The following FOXJ3 variants were observed in gnomAD, a reference collection of about 807,000 sequenced individuals.
The protein encoded by FOXJ3 is forkhead box J3, also known as forkhead box protein J3.
A neutral mutation model predicts 76.1 loss-of-function variants in FOXJ3; 22 were observed. The ratio of observed to expected loss-of-function variants is 0.29; its 90% CI spans 0.21 to 0.41. FOXJ3 has a LOEUF of 0.41. FOXJ3 is among the 10% of genes least tolerant of loss of function. The pLI is 1.00. For synonymous variants in FOXJ3, 269 were observed against 261.2 expected, an observed-to-expected ratio of 1.03 and a Z score of -0.29; for missense variants, 613 against 762.1, an observed-to-expected ratio of 0.80 and a Z score of 2.30.
intron 5 of FOXJ3, among the ~76,000 whole-genome samples, chr1:42,225,724 T>A (rs1647502266): frequency 6.6e-6 from 1 of 152,144 alleles, no homozygotes; most frequent in Non-Finnish European, 1.5e-5. Flanking sequence ...AAAGTGATGA[T>A]CAAAAAGCAG....
At chr1:42,221,506 A>C (rs188920964) in intron 5 of FOXJ3, among the ~76,000 whole-genome samples, 7 of 152,204 alleles carry the variant, frequency 4.6e-5, no homozygotes, top group African/African-American at 1.7e-4. Context: ...CTCAGGCTGG[A>C]GTATAGTGGC....
rs1354275116 is a variant in FOXJ3, at chr1:42,178,257, T to C, written c.*1453A>G. 1 of 152,362 alleles carries C rather than the reference T, an allele frequency of 6.6e-6. No individual in the cohort carries two copies. The highest frequency in any genetic ancestry group is 1.9e-4 in the East Asian group (1 of 5,184). The allele number at this position is 152,362 out of a possible 1,614,324, so 9.4% of individuals were successfully genotyped here. A position where few individuals can be genotyped will look rare whatever the true frequency, so the allele number is the denominator to read the frequency against. The stretch of plus-strand genomic sequence containing the variant: ...AAGCAAATAAAACTGTAAGTGGCTC[T>C]ATCCTCCTTTCAAGACAACCTAGAT... On this transcript the variant is annotated 3_prime_UTR_variant, in exon 13 of 13. Transcript: ENST00000361346.
intron 4 of FOXJ3, among the ~76,000 whole-genome samples, chr1:42,230,102 T>G (rs1647950150): frequency 6.6e-6 from 1 of 152,190 alleles, no homozygotes; most frequent in African/African-American, 2.4e-5. Flanking sequence ...GCCCATAGCC[T>G]ACCTATCCAC....
rs1205558377 is a variant in FOXJ3 at position 42,183,168 on chromosome 1, C to T, written c.1646-1144G>A. ...GCATGAGCCTGTAGTCCCAGCTACT[C>T]AGACTTGAACCTGGGAGACGGAGGT... is the stretch of plus-strand genomic sequence containing the variant. On this transcript the variant is annotated intron_variant, in intron 11 of 12. Transcript: ENST00000361346. Among the ~76,000 whole-genome samples, 11 of 150,282 alleles carry T rather than the reference C, an allele frequency of 7.3e-5. No individual in the cohort carries two copies. The East Asian group carries it at 2.2e-3, about 30-fold the overall frequency.
rs1359448809 is a variant in FOXJ3 at position 42,227,973 on chromosome 1, G to T, written c.445-7C>A. ...CTATTGCCCAGTAGGACCCCTAGAG[G>T]TAAAGAAATTATATTAACAGTATAT... On this transcript the variant is annotated splice_region_variant and splice_polypyrimidine_tract_variant and intron_variant, in intron 4 of 12. Transcript: ENST00000361346. The T allele has an allele frequency of 6.8e-7, 1 of 1,460,656 alleles. No individual in the cohort carries two copies. Among genetic ancestry groups the T allele is most frequent in the East Asian group, 2.3e-5 (1 of 43,268 alleles). 90.5% of individuals were successfully genotyped at this position (1,460,656 alleles called of 1,614,324 possible). A position where few individuals can be genotyped will look rare whatever the true frequency, so the allele number is the denominator to read the frequency against.
chr1:42,304,870 A>C (rs79881691), intron 2 of FOXJ3, among the ~76,000 whole-genome samples: 2 of 152,204 alleles, frequency 1.3e-5, no homozygotes, highest in Non-Finnish European at 2.9e-5. Flanking sequence ...AGCACAGGCA[A>C]CCAAAGCGAA....
chr1:42,229,099 A>G (rs932281696), intron 4 of FOXJ3, among the ~76,000 whole-genome samples: 5 of 152,264 alleles, frequency 3.3e-5, no homozygotes, highest in South Asian at 2.1e-4. Context: ...CACTACTTGT[A>G]ATACCTACCA....
At chr1:42,181,101 T>C (rs1208021193) in intron 12 of FOXJ3, among the ~76,000 whole-genome samples, 1 of 152,238 alleles carries the variant, frequency 6.6e-6, no homozygotes, top group Non-Finnish European at 1.5e-5. Flanking sequence ...ATTACCTTTA[T>C]GTCTTTTCCT....
rs772190814 is a variant in FOXJ3, at chr1:42,191,394, T to C, written c.1260A>G (p.Pro420=). ...LQSPHPQHPS[P]HQHIQHHPNH... The stretch of plus-strand genomic sequence containing the variant: ...TCGGATGGTGCTGTATGTGTTGATG[T>C]GGAGAGGGATGCTGGGGGTGAGGGG... Residue 420 remains proline (P), a synonymous_variant, in exon 9 of 13, where the codon CCA becomes CCG. Coordinates refer to ENST00000361346, the MANE Select transcript of FOXJ3 (RefSeq NM_014947.5). The C allele has an allele frequency of 6.2e-7, 1 of 1,606,872 alleles. No individual in the cohort carries two copies. Among genetic ancestry groups the C allele is most frequent in the Non-Finnish European group, 8.5e-7 (1 of 1,174,450 alleles).
At chr1:42,216,144 G>A (rs1647059887) in intron 5 of FOXJ3, among the ~76,000 whole-genome samples, 1 of 152,062 alleles carries the variant, frequency 6.6e-6, no homozygotes, top group Non-Finnish European at 1.5e-5. Context: ...CTTTAGGCAG[G>A]GGGAAATTAT....
At chr1:42,250,147 G>A (rs1461759545) in intron 4 of FOXJ3, among the ~76,000 whole-genome samples, 1 of 152,140 alleles carries the variant, frequency 6.6e-6, no homozygotes, top group Non-Finnish European at 1.5e-5. Context: ...AGTAAACAGA[G>A]ACTAGAGGAG....
At chr1:42,281,888 G>C (rs1027736804) in intron 2 of FOXJ3, among the ~76,000 whole-genome samples, 1 of 151,930 alleles carries the variant, frequency 6.6e-6, no homozygotes, top group Admixed American at 6.6e-5. Context: ...GTGAAACCCC[G>C]TCTCTACTAA....
At chr1:42,283,945 T>C (rs571852051) in intron 2 of FOXJ3, among the ~76,000 whole-genome samples, 24 of 152,190 alleles carry the variant, frequency 1.6e-4, no homozygotes, top group Non-Finnish European at 3.5e-4. Flanking sequence ...CAGAATTAAC[T>C]ATTGCTCTAG....
intron 2 of FOXJ3, among the ~76,000 whole-genome samples, chr1:42,308,773 C>T (rs923383015): frequency 1.3e-5 from 2 of 152,034 alleles, no homozygotes; most frequent in Non-Finnish European, 2.9e-5. Flanking sequence ...ACATAACTTA[C>T]GTTACCTCTT....
At chr1:42,262,307 G>T (rs1328922284) in intron 4 of FOXJ3, among the ~76,000 whole-genome samples, 1 of 152,138 alleles carries the variant, frequency 6.6e-6, no homozygotes, top group East Asian at 1.9e-4. Context: ...AATATGCCTG[G>T]GTTCTAATTC....
rs1388996263 is a variant in FOXJ3, at chr1:42,237,391, TAC to T, written c.445-9427_445-9426del. On this transcript the variant is annotated intron_variant, in intron 4 of 12. Coordinates refer to ENST00000361346, the MANE Select transcript of FOXJ3 (RefSeq NM_014947.5). ...CTCCATCTCAAAAAATATATATATATACATACATACATACATATATATATATA... is the reference window on the plus strand; with the variant it reads ...CTCCATCTCAAAAAATATATATATATATACATACATACATATATATATATA... 1.2e-4 allele frequency among the ~76,000 whole-genome samples: 8 copies of T among 69,124 alleles called. No individual in the cohort carries two copies. The East Asian group carries it at 2.3e-3, about 20-fold the overall frequency. 45.3% of individuals were successfully genotyped at this position (69,124 alleles called of 152,430 possible).
At chr1:42,246,686 C>T (rs1649579333) in intron 4 of FOXJ3, among the ~76,000 whole-genome samples, 1 of 151,070 alleles carries the variant, frequency 6.6e-6, no homozygotes, top group Admixed American at 6.6e-5. Context: ...AATTCCACTA[C>T]TAGGTATTTA....
intron 3 of FOXJ3, among the ~76,000 whole-genome samples, chr1:42,267,880 A>G (rs1448974340): frequency 1.3e-5 from 2 of 152,144 alleles, no homozygotes; most frequent in Admixed American, 1.3e-4. Flanking sequence ...ACAACTAGGG[A>G]AAGGCTCAGA....
At chr1:42,266,914 C>T (rs1415498277) in intron 3 of FOXJ3, among the ~76,000 whole-genome samples, 1 of 152,084 alleles carries the variant, frequency 6.6e-6, no homozygotes, top group Non-Finnish European at 1.5e-5. Flanking sequence ...GGATAGGAAA[C>T]CCTTACCCAG....
Sources: allele counts gnomAD v4.1 joint callset (sites outside exome capture counted in the v4.1 genomes callset), GRCh38; gene constraint gnomAD v4.1.1; transcripts MANE v1.5; gene names NCBI Gene and HGNC (gene_info 2026-07-23, HGNC 2026-07-21).